Variants in MALT1 observed in about 807,000 individuals in gnomAD.
MALT1 encodes the protein MALT1 paracaspase.
MALT1 carries 36 observed loss-of-function variants against 85.5 expected under a neutral mutation model. The observed-to-expected ratio is 0.42, with a 90% confidence interval of 0.32 to 0.56. MALT1 has a LOEUF of 0.56. Among genes scored for constraint, MALT1 ranks in the 20% least tolerant of loss-of-function variants. The pLI, the probability that MALT1 is intolerant of heterozygous loss-of-function variation, is 0.10. For synonymous variants in MALT1, 359 were observed against 361.3 expected (o/e 0.99, Z 0.07); for missense variants, 716 against 981.6 (o/e 0.73, Z 3.62).
intron 14 of MALT1, 67 bp from the exon 15 acceptor site, chr18:58,744,271 C>G: frequency 9.9e-7 from 1 of 1,013,504 alleles, no homozygotes; most frequent in African/African-American, 1.6e-5. Context: ...ACTATATTCT[C>G]CTCCATAAAT....
At chr18:58,718,530 A>T (rs781315823) in intron 9 of MALT1, among the ~76,000 whole-genome samples, 1 of 152,110 alleles carries the variant, frequency 6.6e-6, no homozygotes, top group African/African-American at 2.4e-5. Flanking sequence ...GAATCTAACT[A>T]ATGCCTGATG....
intron 4 of MALT1, among the ~76,000 whole-genome samples, chr18:58,705,555 A>C (rs1253380340): frequency 7.3e-6 from 1 of 136,642 alleles, no homozygotes; most frequent in Non-Finnish European, 1.5e-5. Context: ...ATTCCCACCT[A>C]TGAGTGAGAA....
chr18:58,685,320 AC>A (rs2054385326), intron 2 of MALT1, among the ~76,000 whole-genome samples: 1 of 152,210 alleles, frequency 6.6e-6, no homozygotes, highest in East Asian at 1.9e-4. Context: ...AGATGGGGAA[AC>A]TTTAGATTTA....
intron 13 of MALT1, chr18:58,741,302 T>G (rs994652725): frequency 6.6e-6 from 1 of 152,138 alleles, no homozygotes; most frequent in Admixed American, 6.5e-5. Flanking sequence ...TTTCTTATCT[T>G]TTTTAAAAAA....
At chr18:58,688,609 G>A (rs2054446760) in intron 2 of MALT1, among the ~76,000 whole-genome samples, 1 of 150,974 alleles carries the variant, frequency 6.6e-6, no homozygotes. Context: ...TACAAAGGAA[G>A]GATAACTTTT....
chr18:58,727,628 G>GTTTTTTTTTTTTTTTTTTTTTTTTTTTT (rs74183292), intron 10 of MALT1, among the ~76,000 whole-genome samples: 1 of 130,640 alleles, frequency 7.7e-6, no homozygotes, highest in African/African-American at 3.0e-5. Flanking sequence ...TTTTTTTTTT[G>GTTTTTTTTTTTTTTTTTTTTTTTTTTTT]TTTTTTTTTT....
At chr18:58,739,688 A>G (rs1338152158) in intron 13 of MALT1, among the ~76,000 whole-genome samples, 1 of 152,160 alleles carries the variant, frequency 6.6e-6, no homozygotes, top group Non-Finnish European at 1.5e-5. Flanking sequence ...GGCTCAAACT[A>G]CAACTCTCCT....
intron 9 of MALT1, among the ~76,000 whole-genome samples, chr18:58,719,076 T>A (rs1251990231): frequency 3.3e-5 from 5 of 152,276 alleles, no homozygotes; most frequent in Middle Eastern, 3.4e-3. Context: ...ATGTAGTTAT[T>A]TATTGCTGAA....
At chr18:58,736,453 AAAG>A (rs1339550788) in intron 13 of MALT1, among the ~76,000 whole-genome samples, 5 of 151,534 alleles carry the variant, frequency 3.3e-5, no homozygotes, top group Non-Finnish European at 5.9e-5. Flanking sequence ...AAAAAAAAAA[AAAG>A]AAAGAAAGAA....
At chr18:58,711,454 A>G (rs1568139782) in intron 7 of MALT1, among the ~76,000 whole-genome samples, 5 of 152,188 alleles carry the variant, frequency 3.3e-5, no homozygotes, top group Admixed American at 2.0e-4. Context: ...TTAATATAAA[A>G]TTGATCAGGA....
In MALT1 at chr18:58,741,954, C is replaced by T; in HGVS notation, c.1693C>T (p.Gln565Ter). Residue 565 changes from glutamine (Q) to a stop codon, truncating the protein, a stop_gained, in exon 14 of 17, where the codon CAG (glutamine) becomes TAG (stop). Transcript: ENST00000649217. LOFTEE classifies it high-confidence loss of function. ...SEKRALTDPI[Q>*]GTEYSAESLV... ...GAAGAGAGCACTTACTGATCCAATACAGGGAACAGAATATTCTGCTGAATC... is the reference window on the plus strand; with the variant it reads ...GAAGAGAGCACTTACTGATCCAATATAGGGAACAGAATATTCTGCTGAATC... The T allele has an allele frequency of 1.3e-6, 2 of 1,569,606 alleles. No individual in the cohort carries two copies. Among genetic ancestry groups the T allele is most frequent in the Non-Finnish European group, 1.7e-6 (2 of 1,147,888 alleles).
In MALT1 at chr18:58,710,065, C is replaced by A; in HGVS notation, c.918C>A (p.Ile306=). 4 of 1,598,846 alleles carry A rather than the reference C, an allele frequency of 2.5e-6. No individual in the cohort carries two copies. The highest frequency in any genetic ancestry group is 1.1e-5 in the South Asian group (1 of 90,544). Residue 306 remains isoleucine (I), a synonymous_variant, in exon 6 of 17, where the codon ATC becomes ATA. Transcript: ENST00000649217. The part of the protein sequence containing the change: ...RDSQDSKKVE[I]IIGRTDEAVE... Reference sequence around the variant, plus strand: ...GTCAAGATAGCAAGAAGGTAGAAATCATCATAGGTAAGAAGTATTTCCCCA... The same window carrying A: ...GTCAAGATAGCAAGAAGGTAGAAATAATCATAGGTAAGAAGTATTTCCCCA...
At chr18:58,742,036 G>GTTA (rs2055309023) in intron 14 of MALT1, 22 bp downstream of exon 14, 1 of 1,472,274 alleles carries the variant, frequency 6.8e-7, no homozygotes, top group Non-Finnish European at 9.2e-7. Context: ...CCCATTTTTT[G>GTTA]TTAGATCTAC....
chr18:58,697,751 T>C (rs2054611226), intron 3 of MALT1, among the ~76,000 whole-genome samples: 1 of 152,212 alleles, frequency 6.6e-6, no homozygotes. Flanking sequence ...TTTAAAACTC[T>C]TAAGTTTTGT....
At position 58,709,534 on chromosome 18, in the gene MALT1, A is replaced by G. The variant is rs2054803110; in HGVS notation, c.806A>G (p.His269Arg). 6.2e-7 allele frequency: 1 copy of G among 1,607,500 alleles called. No individual in the cohort carries two copies. Among genetic ancestry groups the G allele is most frequent in the Non-Finnish European group, 8.5e-7 (1 of 1,177,790 alleles). ...QWFKNELPLT[H>R]ETKKLYMVPY... is the part of the protein sequence containing the mutation. ...TTCAAAAATGAATTACCATTAACAC[A>G]TGAGACCAAAAAGCTATACATGGTA... The change falls in exon 5 of 17, where the codon CAT becomes CGT. Residue 269 changes from histidine to arginine, a missense_variant. Physicochemically the swap from His to Arg is conservative, Grantham distance 29. Coordinates refer to ENST00000649217, the MANE Select transcript of MALT1 (RefSeq NM_006785.4).
At chr18:58,724,126 T>G (rs1298786375) in intron 10 of MALT1, among the ~76,000 whole-genome samples, 4 of 152,222 alleles carry the variant, frequency 2.6e-5, no homozygotes, top group African/African-American at 9.6e-5. Context: ...TTTATTTTAA[T>G]AATTTCTGAA....
At chr18:58,710,112 A>C (rs749198529) in intron 6 of MALT1, 40 bp downstream of exon 6, 1 of 1,277,002 alleles carries the variant, frequency 7.8e-7, no homozygotes, top group South Asian at 1.2e-5. Context: ...AGTGGACTAT[A>C]ATATAAGCTA....
Position 58,709,402 on chromosome 18 carries a change from C to T in MALT1, c.674C>T (p.Ser225Phe). The change falls in exon 5 of 17, where the codon TCC becomes TTC. Residue 225 changes from serine (S) to phenylalanine (F), a missense_variant. Ser to Phe is a radical substitution (Grantham distance 155, BLOSUM62 -2). Transcript: ENST00000649217. Reference protein sequence around the residue: ...FQRSVDGVSESKLQICVEPTS... With the variant: ...FQRSVDGVSEFKLQICVEPTS... ...GGAAGTGTTGATGGCGTCTCTGAATCCAAGTTGCAAATCTGTGTTGAACCA... is the reference window on the plus strand; with the variant it reads ...GGAAGTGTTGATGGCGTCTCTGAATTCAAGTTGCAAATCTGTGTTGAACCA... 6.3e-7 allele frequency: 1 copy of T among 1,591,082 alleles called. No homozygotes were observed. Among genetic ancestry groups the T allele is most frequent in the Non-Finnish European group, 8.5e-7 (1 of 1,169,602 alleles).
In MALT1 at chr18:58,747,398, T is replaced by C; in HGVS notation, c.2038-7T>C. 1 of 1,589,070 alleles carries C rather than the reference T, an allele frequency of 6.3e-7. No homozygotes were observed. Among genetic ancestry groups the C allele is most frequent in the Non-Finnish European group, 8.6e-7 (1 of 1,164,478 alleles). ...CCAATAATAAACCAGATTTTTTTCCTTTTCAGGAACATCTAGTCTTCACAG... is the reference window on the plus strand; with the variant it reads ...CCAATAATAAACCAGATTTTTTTCCCTTTCAGGAACATCTAGTCTTCACAG... On this transcript the variant is annotated splice_region_variant and splice_polypyrimidine_tract_variant and intron_variant, in intron 16 of 16. Coordinates refer to ENST00000649217, the MANE Select transcript of MALT1 (RefSeq NM_006785.4).
Sources: allele counts gnomAD v4.1 joint callset (sites outside exome capture counted in the v4.1 genomes callset), GRCh38; gene constraint gnomAD v4.1.1; transcripts MANE v1.5; gene names NCBI Gene and HGNC (gene_info 2026-07-23, HGNC 2026-07-21).